The following GPHN variants were observed in gnomAD, a reference collection of about 807,000 sequenced individuals.
The protein encoded by GPHN is gephyrin.
GPHN carries 17 observed loss-of-function variants against 95.5 expected under a neutral mutation model. The observed-to-expected ratio is 0.18, with a 90% CI of 0.12 to 0.27. The LOEUF (loss-of-function observed/expected upper bound fraction) is 0.27, where lower values mean the gene tolerates loss of function less well. Ranked by LOEUF, GPHN falls within the 10% of genes least tolerant of loss-of-function variation. The pLI, the probability that GPHN is intolerant of heterozygous loss-of-function variation, is 1.00. For missense variants in GPHN, 660 were observed against 978.1 expected, an observed-to-expected ratio of 0.67 and a Z score of 4.34; for synonymous variants, 320 against 322.5, an observed-to-expected ratio of 0.99 and a Z score of 0.08.
chr14:66,644,670 T>TTAAC (rs994170164), intron 1 of GPHN, among the ~76,000 whole-genome samples: 1 of 152,082 alleles, frequency 6.6e-6, no homozygotes, highest in East Asian at 1.9e-4. Context: ...AGACCACAGG[T>TTAAC]TAACTAACTT....
chr14:67,216,003 T>C, the GPHN span, among the ~76,000 whole-genome samples: 1 of 152,186 alleles, frequency 6.6e-6, no homozygotes, highest in Non-Finnish European at 1.5e-5. Context: ...ACTTTATTTT[T>C]TGCGTGCAGT....
chr14:66,978,247 G>A (rs952031005), intron 9 of GPHN, among the ~76,000 whole-genome samples: 1 of 152,124 alleles, frequency 6.6e-6, no homozygotes, highest in African/African-American at 2.4e-5. Flanking sequence ...GTGTGGCTGT[G>A]GCAATTTCTT....
intron 17 of GPHN, among the ~76,000 whole-genome samples, chr14:67,124,944 A>G (rs1425474865): frequency 6.6e-6 from 1 of 152,158 alleles, no homozygotes; most frequent in African/African-American, 2.4e-5. Context: ...CCACACTGTT[A>G]ATTTGTGGTG....
intron 9 of GPHN, among the ~76,000 whole-genome samples, chr14:66,995,110 G>A (rs2071697363): frequency 6.6e-6 from 1 of 152,128 alleles, no homozygotes; most frequent in South Asian, 2.1e-4. Flanking sequence ...ACTTCCTGCA[G>A]TATTTGTAAA....
intron 19 of GPHN, among the ~76,000 whole-genome samples, chr14:67,163,080 AG>A (rs1290606747): frequency 6.6e-6 from 1 of 152,110 alleles, no homozygotes; most frequent in Non-Finnish European, 1.5e-5. Flanking sequence ...CTGAGACAGG[AG>A]GATCGCTTGA....
At chr14:67,327,646 C>G in the GPHN span, among the ~76,000 whole-genome samples, 2 of 152,054 alleles carry the variant, frequency 1.3e-5, no homozygotes, top group Non-Finnish European at 1.5e-5. Flanking sequence ...CCTCTCCCCC[C>G]ACCCCACAAC....
At chr14:67,702,510 C>T in the GPHN span, among the ~76,000 whole-genome samples, 43 of 151,990 alleles carry the variant, frequency 2.8e-4, no homozygotes, top group African/African-American at 9.2e-4. Flanking sequence ...AAATCCTGAC[C>T]CTGTAAAATA....
intron 4 of GPHN, among the ~76,000 whole-genome samples, chr14:66,860,301 A>G (rs908696133): frequency 2.0e-5 from 3 of 152,140 alleles, no homozygotes; most frequent in African/African-American, 7.2e-5. Context: ...AACTTACAGG[A>G]CAAAAGAAAG....
the GPHN span, among the ~76,000 whole-genome samples, chr14:67,620,451 T>C: frequency 1.2e-3 from 184 of 152,092 alleles, no homozygotes; most frequent in Non-Finnish European, 1.5e-3. Flanking sequence ...GAATCCCCAG[T>C]GGAGAATCGA....
At chr14:67,726,753 T>C in the GPHN span, among the ~76,000 whole-genome samples, 3 of 152,128 alleles carry the variant, frequency 2.0e-5, no homozygotes, top group African/African-American at 4.8e-5. Flanking sequence ...AGGGCAGAGG[T>C]ACAAAGTAAT....
At chr14:66,694,460 A>G (rs1217335476) in intron 2 of GPHN, among the ~76,000 whole-genome samples, 1 of 152,222 alleles carries the variant, frequency 6.6e-6, no homozygotes. Flanking sequence ...ACAAAATACA[A>G]TGGAGCAAAG....
chr14:67,596,315 T>TTTTTTTTTTTTTTTG, the GPHN span, among the ~76,000 whole-genome samples: 1 of 143,650 alleles, frequency 7.0e-6, no homozygotes. Context: ...TTTTTTTTTT[T>TTTTTTTTTTTTTTTG]TTTTTAGTAG....
At chr14:67,162,697 C>T (rs913780721) in intron 19 of GPHN, among the ~76,000 whole-genome samples, 2 of 152,180 alleles carry the variant, frequency 1.3e-5, no homozygotes, top group Non-Finnish European at 2.9e-5. Context: ...AATCGAATCT[C>T]ATTTTTCTAA....
intron 11 of GPHN, among the ~76,000 whole-genome samples, chr14:67,077,282 T>G (rs1322522877): frequency 6.6e-6 from 1 of 152,272 alleles, no homozygotes; most frequent in South Asian, 2.1e-4. Context: ...TGTTATAAAA[T>G]AGGCTTTGTG....
At chr14:66,734,242 A>T (rs1189629668) in intron 2 of GPHN, among the ~76,000 whole-genome samples, 1 of 152,178 alleles carries the variant, frequency 6.6e-6, no homozygotes, top group Non-Finnish European at 1.5e-5. Flanking sequence ...TATTCAGGAT[A>T]GGCTACTAGA....
chr14:67,061,856 C>T (rs779916526), intron 11 of GPHN, among the ~76,000 whole-genome samples: 38 of 152,068 alleles, frequency 2.5e-4, no homozygotes, highest in Non-Finnish European at 5.6e-4. Flanking sequence ...TATCTTACTT[C>T]TCTACATATT....
At chr14:66,947,415 CTTAAT>C (rs2067827911) in intron 8 of GPHN, among the ~76,000 whole-genome samples, 1 of 152,172 alleles carries the variant, frequency 6.6e-6, no homozygotes, top group Non-Finnish European at 1.5e-5. Flanking sequence ...CATGTGTTTA[CTTAAT>C]TTATCTCTAG....
intron 9 of GPHN, among the ~76,000 whole-genome samples, chr14:66,979,475 C>T (rs909690779): frequency 6.6e-6 from 1 of 152,328 alleles, no homozygotes; most frequent in South Asian, 2.1e-4. Flanking sequence ...CATGAGCCAA[C>T]CTCAGCTAGC....
At chr14:67,542,626 G>A in the GPHN span, among the ~76,000 whole-genome samples, 1 of 152,226 alleles carries the variant, frequency 6.6e-6, no homozygotes, top group African/African-American at 2.4e-5. Flanking sequence ...GGGTGGGCTG[G>A]TCTGGGAAAC....
Sources: gnomAD v4.1 joint callset for allele counts (sites outside exome capture counted in the v4.1 genomes callset) on GRCh38, gnomAD v4.1.1 for gene constraint, MANE v1.5 for transcripts, NCBI Gene and HGNC (gene_info 2026-07-23, HGNC 2026-07-21) for gene names.